Variants in SPTBN2 observed in about 807,000 individuals in gnomAD.
The protein encoded by SPTBN2 is spectrin beta, non-erythrocytic 2.
SPTBN2 carries 107 observed loss-of-function variants against 284.2 expected under a neutral mutation model. The ratio of observed to expected loss-of-function variants is 0.38; its 90% CI spans 0.32 to 0.44. SPTBN2 has a LOEUF of 0.44. SPTBN2 is among the 20% of genes least tolerant of loss of function. The pLI is 1.00. For synonymous variants in SPTBN2, 1,289 were observed against 1,354.8 expected, an observed-to-expected ratio of 0.95 and a Z score of 1.07; for missense variants, 2,569 against 3,287.1, an observed-to-expected ratio of 0.78 and a Z score of 5.34.
rs1483027342 is a variant in SPTBN2 at position 66,705,842 on chromosome 11, C to T, written c.1654-5G>A. On this transcript the variant is annotated splice_polypyrimidine_tract_variant and splice_region_variant and intron_variant, in intron 13 of 37. Coordinates refer to ENST00000533211, the MANE Select transcript of SPTBN2 (RefSeq NM_006946.4). ...GTCCTGAGACTGCAGCCGGCCCTGC[C>T]AGGCACACATGAAGTGCACATGCCC... The T allele has an allele frequency of 6.2e-6, 10 of 1,611,878 alleles. No homozygotes were observed. The highest frequency in any genetic ancestry group is 1.3e-5 in the African/African-American group (1 of 74,936).
chr11:66,721,023 C>A, intron 3 of SPTBN2, 61 bp downstream of exon 3: 1 of 1,610,428 alleles, frequency 6.2e-7, no homozygotes. Context: ...AAGGGCTCTT[C>A]ATGACGAGCT....
Position 66,685,850 on chromosome 11 carries a change from GGC to G in SPTBN2, c.*19_*20del, listed in dbSNP as rs1329012209. ...GTTTCCTGAACGGAGGGAGGGAGTT[GGC>G]CTGGGACCTTGCCCCCAACTACTTG... On this transcript the variant is annotated 3_prime_UTR_variant, in exon 38 of 38. Transcript: ENST00000533211. The surrounding 1 kb of genome is among the most constrained non-coding windows in gnomAD (Gnocchi z 4.4). 1 of 1,608,118 alleles carries G rather than the reference GGC, an allele frequency of 6.2e-7. No individual in the cohort carries two copies. Among genetic ancestry groups the G allele is most frequent in the African/African-American group, 1.3e-5 (1 of 74,802 alleles).
intron 15 of SPTBN2, among the ~76,000 whole-genome samples, chr11:66,703,869 T>A (rs116852454): frequency 0.043 from 6,502 of 152,294 alleles, 207 homozygotes; most frequent in Middle Eastern, 0.085. Flanking sequence ...TTAGTGTCTC[T>A]GTCTAAAAGG....
At chr11:66,725,723 C>A (rs1029271468) in intron 1 of SPTBN2, among the ~76,000 whole-genome samples, 15 of 152,202 alleles carry the variant, frequency 9.9e-5, no homozygotes, top group Non-Finnish European at 1.9e-4. Context: ...AGAATGCCAA[C>A]CCCCGCCGGC....
In SPTBN2 at chr11:66,696,442, G is replaced by A. The variant is rs752604609; in HGVS notation, c.4113C>T (p.Thr1371=). The A allele has an allele frequency of 2.4e-5, 38 of 1,612,924 alleles. No homozygotes were observed. Among genetic ancestry groups the A allele is most frequent in the Non-Finnish European group, 3.1e-5 (36 of 1,180,036 alleles). The part of the protein sequence containing the change: ...LHRRWDELET[T]TQAKARSLFD... The stretch of plus-strand genomic sequence containing the variant: ...AGAGGCTGCGGGCCTTGGCTTGGGT[G>A]GTGGTCTCCAGCTCGTCCCAGCGCC... Residue 1371 remains threonine, a synonymous_variant, in exon 21 of 38, where the codon ACC becomes ACT. Coordinates refer to ENST00000533211, the MANE Select transcript of SPTBN2 (RefSeq NM_006946.4).
intron 10 of SPTBN2, among the ~76,000 whole-genome samples, chr11:66,709,467 G>C (rs141618515): frequency 6.6e-6 from 1 of 152,250 alleles, no homozygotes; most frequent in Admixed American, 6.5e-5. Flanking sequence ...CATGAGCCAC[G>C]GTGCCCAGCC....
intron 1 of SPTBN2, among the ~76,000 whole-genome samples, chr11:66,738,231 C>A (rs2510013): frequency 0.24 from 35,980 of 151,178 alleles, 4,447 homozygotes; most frequent in Middle Eastern, 0.31. Context: ...AACAAACAAA[C>A]AAAAAAAAGA....
At chr11:66,717,929 C>T (rs1385734652) in intron 3 of SPTBN2, among the ~76,000 whole-genome samples, 2 of 152,192 alleles carry the variant, frequency 1.3e-5, no homozygotes, top group Non-Finnish European at 2.9e-5. Flanking sequence ...TGCACAGATC[C>T]TCTCCTTCGA....
rs1941629264 is a variant in SPTBN2 at position 66,707,584 on chromosome 11, G to A, written c.1585C>T (p.Leu529Phe). 4 of 1,612,130 alleles carry A rather than the reference G, an allele frequency of 2.5e-6. No individual in the cohort carries two copies. In the African/African-American group the frequency reaches 4.0e-5, roughly 16 times the overall value. Residue 529 changes from leucine (L) to phenylalanine (F), a missense_variant, in exon 13 of 38, where the codon CTC becomes TTC. This residue lies in a region of SPTBN2 where 1,012 missense variants were observed against 1,248.9 expected (regional missense o/e 0.81). Coordinates refer to ENST00000533211, the MANE Select transcript of SPTBN2 (RefSeq NM_006946.4). The surrounding 1 kb of genome is among the most constrained non-coding windows in gnomAD (Gnocchi z 4.9). The part of the protein sequence containing the change: ...MVAARRERLL[L>F]NLELQKVFQD... Reference sequence around the variant, plus strand: ...AACACCTTCTGCAGCTCCAGGTTGAGGAGGAGCCGCTCCCGCCGGGCGGCC... The same window carrying A: ...AACACCTTCTGCAGCTCCAGGTTGAAGAGGAGCCGCTCCCGCCGGGCGGCC...
At chr11:66,728,494 C>T (rs1175640915) in intron 1 of SPTBN2, 3 of 151,056 alleles carry the variant, frequency 2.0e-5, no homozygotes, top group Admixed American at 6.6e-5. Context: ...CTGGGCGGGG[C>T]CCGAGTCGCC....
intron 1 of SPTBN2, among the ~76,000 whole-genome samples, chr11:66,740,624 C>G (rs1181048092): frequency 6.6e-6 from 1 of 152,178 alleles, no homozygotes; most frequent in East Asian, 1.9e-4. Flanking sequence ...GGGACCTGCT[C>G]CATTTCAGGA....
At chr11:66,742,346 G>A (rs1374380663) in intron 1 of SPTBN2, among the ~76,000 whole-genome samples, 1 of 152,024 alleles carries the variant, frequency 6.6e-6, no homozygotes, top group Non-Finnish European at 1.5e-5. Flanking sequence ...CCCTCATATC[G>A]AAGGCTTCCC....
chr11:66,689,971 T>C, intron 28 of SPTBN2, 28 bp from the exon 29 acceptor site: 1 of 1,613,380 alleles, frequency 6.2e-7, no homozygotes, highest in Non-Finnish European at 8.5e-7. Flanking sequence ...CAGCATCACC[T>C]GCTGCCCACA....
chr11:66,710,736 C>T lies in SPTBN2; in HGVS notation c.919G>A (p.Val307Met). The T allele has an allele frequency of 6.2e-7, 1 of 1,614,158 alleles. No individual in the cohort carries two copies. Among genetic ancestry groups the T allele is most frequent in the Non-Finnish European group, 8.5e-7 (1 of 1,180,040 alleles). The change falls in exon 10 of 38, where the codon GTG becomes ATG. Residue 307 changes from valine to methionine, a missense_variant. Transcript: ENST00000533211. This position sits in a 1 kb window ranked among gnomAD's most constrained non-coding sequence, Gnocchi z 4.9. ...LDHAMEAERL[V>M]EKYESLASEL... ...GAGGCCAGGGACTCGTATTTCTCCA[C>T]CAGGCGCTCTGCCTCCATGGCATGG...
At chr11:66,721,536 C>T (rs751654072) in intron 1 of SPTBN2, 96 bp from the exon 2 acceptor site, 31 of 465,478 alleles carry the variant, frequency 6.7e-5, no homozygotes, top group South Asian at 4.9e-4. Context: ...CCAACGACTT[C>T]GGGCCAGAGA....
chr11:66,711,410 G>A (rs1941859097), intron 8 of SPTBN2, among the ~76,000 whole-genome samples: 1 of 152,204 alleles, frequency 6.6e-6, no homozygotes, highest in Non-Finnish European at 1.5e-5. Flanking sequence ...ATGGATTGAG[G>A]GGCAGTGGGA....
rs1279680641 is a variant in SPTBN2, at chr11:66,687,213, A to G, written c.6723-46T>C. The G allele has an allele frequency of 6.2e-7, 1 of 1,609,662 alleles. No individual in the cohort carries two copies. The highest frequency in any genetic ancestry group is 2.2e-5 in the East Asian group (1 of 44,812). On this transcript the variant is annotated intron_variant, in intron 35 of 37. Transcript: ENST00000533211. This position sits in a 1 kb window ranked among gnomAD's most constrained non-coding sequence, Gnocchi z 5.2. ...ACTGGCCGGCCTCAGTGGCGCCCGCAACCTGGAGCCCTCTTGGGTGTCCTA... is the reference window on the plus strand; with the variant it reads ...ACTGGCCGGCCTCAGTGGCGCCCGCGACCTGGAGCCCTCTTGGGTGTCCTA...
Position 66,693,913 on chromosome 11 carries a change from AG to A in SPTBN2, c.4504-53del. On this transcript the variant is annotated intron_variant, in intron 22 of 37. Coordinates refer to ENST00000533211, the MANE Select transcript of SPTBN2 (RefSeq NM_006946.4). The surrounding 1 kb of genome is among the most constrained non-coding windows in gnomAD (Gnocchi z 5.7). ...AGGCCCAGAGGGCAAGGCAAGCAGCAGGGACTGATTAGTGGGAGTGGGGACA... is the reference window on the plus strand; with the variant it reads ...AGGCCCAGAGGGCAAGGCAAGCAGCAGGACTGATTAGTGGGAGTGGGGACA... 6.4e-7 allele frequency: 1 copy of A among 1,561,616 alleles called. No individual in the cohort carries two copies. The highest frequency in any genetic ancestry group is 2.3e-5 in the East Asian group (1 of 44,116).
chr11:66,716,018 G>A (rs1161095253), intron 3 of SPTBN2, 37 bp from the exon 4 acceptor site: 1 of 1,613,112 alleles, frequency 6.2e-7, no homozygotes, highest in East Asian at 2.2e-5. Context: ...TGTCCCTCGA[G>A]TTCAGTATGC....
Sources: allele counts gnomAD v4.1 joint callset (sites outside exome capture counted in the v4.1 genomes callset), GRCh38; gene constraint gnomAD v4.1.1; regional missense constraint gnomAD v4.1.1; non-coding constraint Gnocchi (gnomAD v3.1); transcripts MANE v1.5; gene names NCBI Gene and HGNC (gene_info 2026-07-23, HGNC 2026-07-21).